TTC39C: variants seen among roughly 807,000 people sequenced by gnomAD.
TTC39C encodes tetratricopeptide repeat protein 39C.
In TTC39C, 33 loss-of-function variants were observed where a neutral mutation model predicts 76.3. That is an observed-to-expected ratio of 0.43 (90% CI 0.33 to 0.58). The LOEUF (loss-of-function observed/expected upper bound fraction) is 0.58. Ranked by LOEUF, TTC39C falls within the 20% of genes least tolerant of loss-of-function variation. The pLI is 0.04. For missense variants in TTC39C, 595 were observed against 701.4 expected, an observed-to-expected ratio of 0.85 and a Z score of 1.71; for synonymous variants, 254 against 260.6, an observed-to-expected ratio of 0.97 and a Z score of 0.24.
chr18:24,052,541 T>TA lies in TTC39C; in HGVS notation c.168-11589dup, dbSNP rs11331260. ...GATTTTAAAATTAAATATCTTGCTT[T>TA]AAAAAAAAAATTATTGCTTTTTTTA... On this transcript the variant is annotated intron_variant, in intron 1 of 13. Transcript: ENST00000317571. Among the ~76,000 whole-genome samples, 1,302 of 151,756 alleles carry TA rather than the reference T, an allele frequency of 8.6e-3. 26 individuals are homozygous for TA. The highest frequency in any genetic ancestry group is 0.03 in the African/African-American group (1,221 of 41,310).
intron 1 of TTC39C, among the ~76,000 whole-genome samples, chr18:24,019,614 A>T (rs2083494909): frequency 6.6e-6 from 1 of 152,258 alleles, no homozygotes; most frequent in South Asian, 2.1e-4. Context: ...TTTTGTGAGC[A>T]TGTTGATTGC....
At chr18:24,015,884 G>A (rs2083449316) in intron 1 of TTC39C, among the ~76,000 whole-genome samples, 1 of 152,126 alleles carries the variant, frequency 6.6e-6, no homozygotes, top group African/African-American at 2.4e-5. Flanking sequence ...TGGAGTGTTT[G>A]TTCTCGGGTT....
chr18:24,038,370 C>A (rs1416101655), intron 1 of TTC39C, among the ~76,000 whole-genome samples: 1 of 152,160 alleles, frequency 6.6e-6, no homozygotes, highest in East Asian at 1.9e-4. Context: ...GCAGCCTCGA[C>A]CTCCCAGGCT....
chr18:23,994,312 C>CAAAAAA (rs74271367), intron 1 of TTC39C: 12 of 114,670 alleles, frequency 1.0e-4, no homozygotes, highest in African/African-American at 3.4e-4. Context: ...TTGTAGTAAC[C>CAAAAAA]AAAAAAAAAA....
At chr18:24,038,292 A>G (rs1436896360) in intron 1 of TTC39C, among the ~76,000 whole-genome samples, 4 of 152,014 alleles carry the variant, frequency 2.6e-5, no homozygotes, top group Non-Finnish European at 4.4e-5. Context: ...TTTTATTTTT[A>G]TTATTCTTGA....
At chr18:24,017,239 T>C (rs1284337175) in intron 1 of TTC39C, among the ~76,000 whole-genome samples, 1 of 152,090 alleles carries the variant, frequency 6.6e-6, no homozygotes, top group African/African-American at 2.4e-5. Flanking sequence ...TCCCAAAAGG[T>C]GCTTCTGATG....
intron 1 of TTC39C, among the ~76,000 whole-genome samples, chr18:24,057,498 C>T (rs1286555985): frequency 7.9e-6 from 1 of 127,350 alleles, no homozygotes; most frequent in Non-Finnish European, 1.7e-5. Flanking sequence ...GAGGTAGCCA[C>T]TGTTCAGACT....
At chr18:24,073,750 G>A (rs753841736) in intron 4 of TTC39C, among the ~76,000 whole-genome samples, 12 of 152,158 alleles carry the variant, frequency 7.9e-5, no homozygotes, top group Non-Finnish European at 1.3e-4. Context: ...GAACTCCTGG[G>A]CTCAAGCAAT....
At chr18:24,106,283 A>T (rs148330816) in intron 6 of TTC39C, among the ~76,000 whole-genome samples, 73 of 152,294 alleles carry the variant, frequency 4.8e-4, no homozygotes, top group South Asian at 1.2e-3. Flanking sequence ...TTGGTGCCCT[A>T]GCTGCCTCCA....
rs9951816 is a variant in TTC39C at position 24,048,023 on chromosome 18, G to A, written c.168-16117G>A. Among the ~76,000 whole-genome samples the A allele has an allele frequency of 3.5e-3, 532 of 152,178 alleles. 1 individual carries two copies. Among genetic ancestry groups the A allele is most frequent in the African/African-American group, 0.012 (490 of 41,526 alleles). ...TTTAGCCATGTTTATTTTATACATGGCATGTTTATTTGTAGTATAGCTTTC... is the reference window on the plus strand; with the variant it reads ...TTTAGCCATGTTTATTTTATACATGACATGTTTATTTGTAGTATAGCTTTC... On this transcript the variant is annotated intron_variant, in intron 1 of 13. Transcript: ENST00000317571.
chr18:24,089,166 G>A (rs2084485376), intron 6 of TTC39C, among the ~76,000 whole-genome samples: 1 of 152,262 alleles, frequency 6.6e-6, no homozygotes, highest in Admixed American at 6.5e-5. Flanking sequence ...GGAGAATATG[G>A]CCAGTGCAGA....
At chr18:24,078,455 T>C (rs182715267) in intron 4 of TTC39C, among the ~76,000 whole-genome samples, 159 of 152,356 alleles carry the variant, frequency 1.0e-3, no homozygotes, top group Admixed American at 2.0e-3. Context: ...TTGGTTTTCT[T>C]TCCTAATTTT....
rs773746095 is a variant in TTC39C at position 24,123,952 on chromosome 18, G to A, written c.1296+9G>A. On this transcript the variant is annotated intron_variant, in intron 9 of 13. Transcript: ENST00000317571. ...AGTTCTCGGTGAAAAAGGTATGTTG[G>A]AGCCTATTGATCTGGTGTATTACTT... The A allele has an allele frequency of 6.3e-7, 1 of 1,592,712 alleles. No homozygotes were observed. The highest frequency in any genetic ancestry group is 8.6e-7 in the Non-Finnish European group (1 of 1,167,350).
upstream of TTC39C, among the ~76,000 whole-genome samples, chr18:24,012,467 C>G (rs918248653): frequency 6.6e-6 from 1 of 152,170 alleles, no homozygotes; most frequent in South Asian, 2.1e-4. Context: ...ACTTTGCTCA[C>G]CCCTCCCCAC....
At chr18:24,125,133 C>A (rs1321991533) in intron 9 of TTC39C, among the ~76,000 whole-genome samples, 2 of 152,208 alleles carry the variant, frequency 1.3e-5, no homozygotes, top group African/African-American at 4.8e-5. Context: ...CTCAGGTGAT[C>A]TGCCTGCCTT....
chr18:24,008,029 A>G (rs1215574516), intron 1 of TTC39C, among the ~76,000 whole-genome samples: 1 of 152,180 alleles, frequency 6.6e-6, no homozygotes, highest in Non-Finnish European at 1.5e-5. Context: ...ATAAATGGGG[A>G]AATTGAGGCT....
At chr18:24,116,815 C>A in intron 7 of TTC39C, among the ~76,000 whole-genome samples, 2 of 127,280 alleles carry the variant, frequency 1.6e-5, no homozygotes, top group African/African-American at 2.8e-5. Flanking sequence ...CTCTTGATAC[C>A]TTAGTTTTTT....
intron 4 of TTC39C, among the ~76,000 whole-genome samples, chr18:24,071,384 A>G (rs1401358054): frequency 2.6e-5 from 4 of 152,230 alleles, no homozygotes; most frequent in Non-Finnish European, 4.4e-5. Context: ...ATCAGATAAT[A>G]GTATTTATAG....
At chr18:24,122,442 C>T (rs1290543976) in intron 8 of TTC39C, among the ~76,000 whole-genome samples, 2 of 140,412 alleles carry the variant, frequency 1.4e-5, no homozygotes, top group Non-Finnish European at 3.0e-5. Flanking sequence ...GCGGAGGTTG[C>T]AGTGAGCCGA....
Sources: allele counts gnomAD v4.1 joint callset (sites outside exome capture counted in the v4.1 genomes callset), GRCh38; gene constraint gnomAD v4.1.1; transcripts MANE v1.5; gene names NCBI Gene and HGNC (gene_info 2026-07-23, HGNC 2026-07-21).